Variants in RALGAPB observed in about 807,000 individuals in gnomAD.
RALGAPB encodes the protein ral GTPase-activating protein subunit beta.
RALGAPB carries 25 observed loss-of-function variants against 161.1 expected under a neutral mutation model. That is an observed-to-expected ratio of 0.16 (90% CI 0.11 to 0.22). The LOEUF (loss-of-function observed/expected upper bound fraction) is 0.22, where lower values mean the gene tolerates loss of function less well. RALGAPB is among the 10% of genes least tolerant of loss of function. The pLI, the probability that RALGAPB is intolerant of heterozygous loss-of-function variation, is 1.00. For synonymous variants in RALGAPB, 629 were observed against 626.1 expected (o/e 1.00, Z -0.07); for missense variants, 1,391 against 1,815.2 (o/e 0.77, Z 4.25).
intron 17 of RALGAPB, among the ~76,000 whole-genome samples, 172 bp from the exon 18 acceptor site, chr20:38,540,869 G>T (rs965493188): frequency 1.3e-5 from 2 of 151,452 alleles, no homozygotes; most frequent in Admixed American, 6.6e-5. Context: ...GGGGGGAGGG[G>T]GTGTAAAGTT....
chr20:38,557,305 A>G (rs1200070389), intron 22 of RALGAPB, among the ~76,000 whole-genome samples: 4 of 152,206 alleles, frequency 2.6e-5, no homozygotes, highest in African/African-American at 4.8e-5. Flanking sequence ...CCCTGTTATC[A>G]ACATCTTGCA....
At chr20:38,529,455 T>C (rs1458819033) in intron 13 of RALGAPB, among the ~76,000 whole-genome samples, 1 of 151,416 alleles carries the variant, frequency 6.6e-6, no homozygotes, top group Non-Finnish European at 1.5e-5. Context: ...AGGCGGAGGT[T>C]GCAGTGAGCC....
chr20:38,478,581 C>T (rs1222988724), intron 1 of RALGAPB, among the ~76,000 whole-genome samples: 1 of 151,724 alleles, frequency 6.6e-6, no homozygotes, highest in African/African-American at 2.4e-5. Context: ...CCACCACACC[C>T]GGCTAATTTT....
At chr20:38,534,103 T>A (rs568638414) in intron 15 of RALGAPB, among the ~76,000 whole-genome samples, 2 of 137,408 alleles carry the variant, frequency 1.5e-5, no homozygotes, top group African/African-American at 5.6e-5. Flanking sequence ...TGCGCCACTG[T>A]ACTCCAGCCT....
intron 9 of RALGAPB, among the ~76,000 whole-genome samples, chr20:38,519,942 G>T (rs911664476): frequency 6.6e-6 from 1 of 152,108 alleles, no homozygotes; most frequent in Admixed American, 6.6e-5. Flanking sequence ...CATTGAGCTG[G>T]GAAGGGTTAA....
At chr20:38,541,968 C>T (rs1469654998) in intron 18 of RALGAPB, among the ~76,000 whole-genome samples, 1 of 152,112 alleles carries the variant, frequency 6.6e-6, no homozygotes, top group Non-Finnish European at 1.5e-5. Flanking sequence ...GTGGTAAAGA[C>T]AGGGAGTTTG....
At chr20:38,511,976 C>T (rs962085377) in intron 6 of RALGAPB, among the ~76,000 whole-genome samples, 8 of 152,100 alleles carry the variant, frequency 5.3e-5, no homozygotes, top group Admixed American at 6.5e-5. Flanking sequence ...ACCTCCCGGA[C>T]GGGGCAGCTG....
At chr20:38,549,319 C>G (rs879497109) in intron 20 of RALGAPB, among the ~76,000 whole-genome samples, 4 of 151,808 alleles carry the variant, frequency 2.6e-5, no homozygotes, top group Non-Finnish European at 5.9e-5. Context: ...CCTCAAGCTC[C>G]TGGGCTCCAG....
In RALGAPB at chr20:38,497,264, A is replaced by G. The variant is rs181820214; in HGVS notation, c.390-89A>G. ...TAATATTAGGGAGCTTCATTGGACC[A>G]CTGCTTGCTACATCCATAAGTCACC... On this transcript the variant is annotated intron_variant, in intron 3 of 29. Transcript: ENST00000262879. The G allele has an allele frequency of 4.2e-3, 5,075 of 1,220,014 alleles. 58 individuals carry two copies. Among genetic ancestry groups the G allele is most frequent in the Non-Finnish European group, 3.0e-3 (2,587 of 859,510 alleles). 75.6% of individuals were successfully genotyped at this position (1,220,014 alleles called of 1,614,324 possible).
chr20:38,531,164 T>C lies in RALGAPB; in HGVS notation c.2051-3T>C. ...ATAAAATACTGTTTTATTGTTGTTG[T>C]AGGGGCAATGTTAAATATTGTTCAA... is the stretch of plus-strand genomic sequence containing the variant. On this transcript the variant is annotated splice_polypyrimidine_tract_variant and splice_region_variant and intron_variant, in intron 13 of 29. Coordinates refer to ENST00000262879, the MANE Select transcript of RALGAPB (RefSeq NM_020336.4). The C allele has an allele frequency of 1.2e-6, 2 of 1,603,000 alleles. No individual in the cohort carries two copies. The highest frequency in any genetic ancestry group is 4.5e-5 in the East Asian group (2 of 44,800).
chr20:38,571,575 G>T (rs187803446), intron 28 of RALGAPB, among the ~76,000 whole-genome samples: 7 of 152,264 alleles, frequency 4.6e-5, no homozygotes, highest in Non-Finnish European at 1.0e-4. Flanking sequence ...CATTGTATGT[G>T]TACACCACAT....
rs529133336 is a variant in RALGAPB at position 38,549,121 on chromosome 20, C to T, written c.3009+326C>T. On this transcript the variant is annotated intron_variant, in intron 20 of 29. Coordinates refer to ENST00000262879, the MANE Select transcript of RALGAPB (RefSeq NM_020336.4). ...TAATAAAAGTCAGATATATACCATACGTGAAAAAAATTTGGTGGGACTTTT... is the reference window on the plus strand; with the variant it reads ...TAATAAAAGTCAGATATATACCATATGTGAAAAAAATTTGGTGGGACTTTT... Among the ~76,000 whole-genome samples, 16 of 152,050 alleles carry T rather than the reference C, an allele frequency of 1.1e-4. No individual in the cohort carries two copies. In the East Asian group the frequency reaches 1.9e-3, roughly 18 times the overall value.
chr20:38,572,400 C>G, intron 28 of RALGAPB, among the ~76,000 whole-genome samples: 1 of 152,114 alleles, frequency 6.6e-6, no homozygotes, highest in East Asian at 1.9e-4. Context: ...ATAAAATAGG[C>G]TCAAAGAGGT....
At chr20:38,569,687 C>T in intron 26 of RALGAPB, 10 of 478,008 alleles carry the variant, frequency 2.1e-5, no homozygotes, top group South Asian at 4.3e-5. Flanking sequence ...AATTTTAAGC[C>T]TTGTCCTAGG....
chr20:38,572,473 C>T (rs1027381875), intron 28 of RALGAPB, among the ~76,000 whole-genome samples: 3 of 152,162 alleles, frequency 2.0e-5, no homozygotes, highest in African/African-American at 7.2e-5. Context: ...AGGCCTTTGA[C>T]CCCAAATGCA....
chr20:38,545,845 G>A (rs2087144651), intron 18 of RALGAPB, among the ~76,000 whole-genome samples: 2 of 152,176 alleles, frequency 1.3e-5, no homozygotes, highest in Admixed American at 1.3e-4. Flanking sequence ...GATAGAGACG[G>A]TTGTCACAAA....
At chr20:38,559,276 G>A (rs1473158099) in intron 23 of RALGAPB, among the ~76,000 whole-genome samples, 1 of 152,260 alleles carries the variant, frequency 6.6e-6, no homozygotes, top group Non-Finnish European at 1.5e-5. Flanking sequence ...CCAGGATATA[G>A]AAGTGAGTAA....
At chr20:38,478,355 C>T (rs1313064506) in intron 1 of RALGAPB, among the ~76,000 whole-genome samples, 1 of 152,182 alleles carries the variant, frequency 6.6e-6, no homozygotes, top group Non-Finnish European at 1.5e-5. Flanking sequence ...AATGAAGTAA[C>T]ATGTAAAAGC....
rs1601055753 is a variant in RALGAPB at position 38,560,054 on chromosome 20, C to G, written c.3531+1601C>G. On this transcript the variant is annotated intron_variant, in intron 23 of 29. Coordinates refer to ENST00000262879, the MANE Select transcript of RALGAPB (RefSeq NM_020336.4). ...TTTCCAAATGTTTACACTAGAAGCACTGTTTCAAATGATTTGTGAGCTCCT... is the reference window on the plus strand; with the variant it reads ...TTTCCAAATGTTTACACTAGAAGCAGTGTTTCAAATGATTTGTGAGCTCCT... Among the ~76,000 whole-genome samples the G allele has an allele frequency of 2.0e-5, 3 of 151,988 alleles. No individual in the cohort carries two copies. In the East Asian group the frequency reaches 5.8e-4, roughly 29 times the overall value.
Sources: allele counts gnomAD v4.1 joint callset (sites outside exome capture counted in the v4.1 genomes callset), GRCh38; gene constraint gnomAD v4.1.1; transcripts MANE v1.5; gene names NCBI Gene and HGNC (gene_info 2026-07-23, HGNC 2026-07-21).